RAP1GDS1: variants seen among roughly 807,000 people sequenced by gnomAD.
The protein encoded by RAP1GDS1 is RAP1, GTP-GDP dissociation stimulator 1.
A neutral mutation model predicts 71.1 loss-of-function variants in RAP1GDS1; 35 were observed. The observed-to-expected ratio is 0.49, with a 90% CI of 0.38 to 0.65. The LOEUF is 0.65. Among genes scored for constraint, RAP1GDS1 ranks in the 30% least tolerant of loss-of-function variants. The pLI, the probability that RAP1GDS1 is intolerant of heterozygous loss-of-function variation, is 0.00. For missense variants in RAP1GDS1, 663 were observed against 706.1 expected (o/e 0.94, Z 0.69); for synonymous variants, 229 against 243.1 (o/e 0.94, Z 0.54).
At chr4:98,287,383 G>A (rs1726199859) in intron 1 of RAP1GDS1, among the ~76,000 whole-genome samples, 1 of 152,140 alleles carries the variant, frequency 6.6e-6, no homozygotes, top group Admixed American at 6.6e-5. Flanking sequence ...ACATAGGACA[G>A]GTTGATTACA....
At chr4:98,330,629 CCGGGCAGAGACGCTCCTCACTTCCTAGA>C (rs1377969937) in intron 2 of RAP1GDS1, among the ~76,000 whole-genome samples, 6 of 150,800 alleles carry the variant, frequency 4.0e-5, no homozygotes, top group African/African-American at 1.5e-4. Context: ...CGATGGGCGG[CCGGGCAGAGACGCTCCTCACTTCCTAGA>C]CGGGATGACG....
chr4:98,406,489 AAAT>A (rs1746134317), intron 7 of RAP1GDS1, among the ~76,000 whole-genome samples: 1 of 152,062 alleles, frequency 6.6e-6, no homozygotes, highest in African/African-American at 2.4e-5. Context: ...CCTAGAAAAA[AAAT>A]AACCGTTATA....
At chr4:98,385,353 G>A (rs1011400715) in intron 5 of RAP1GDS1, among the ~76,000 whole-genome samples, 4 of 151,700 alleles carry the variant, frequency 2.6e-5, no homozygotes, top group Non-Finnish European at 5.9e-5. Context: ...ATGATATGAG[G>A]CACATAATCA....
intron 12 of RAP1GDS1, among the ~76,000 whole-genome samples, chr4:98,428,997 G>A (rs763137567): frequency 6.6e-5 from 10 of 152,176 alleles, no homozygotes; most frequent in Non-Finnish European, 1.5e-4. Flanking sequence ...GGTGGCTCAC[G>A]CCTGTAATCC....
intron 2 of RAP1GDS1, among the ~76,000 whole-genome samples, chr4:98,340,917 G>A (rs1172649994): frequency 1.3e-5 from 2 of 151,860 alleles, no homozygotes; most frequent in East Asian, 1.9e-4. Flanking sequence ...ACTACCTATC[G>A]GGTACTATGC....
At chr4:98,264,555 G>A (rs1402057827) in intron 1 of RAP1GDS1, among the ~76,000 whole-genome samples, 1 of 152,178 alleles carries the variant, frequency 6.6e-6, no homozygotes, top group Non-Finnish European at 1.5e-5. Context: ...CAACTGTGCA[G>A]TGTACTGTAC....
rs1751944421 is a variant in RAP1GDS1, at chr4:98,442,010, C to A, written c.1717C>A (p.Gln573Lys). The A allele has an allele frequency of 6.2e-7, 1 of 1,613,790 alleles. No individual in the cohort carries two copies. The highest frequency in any genetic ancestry group is 8.5e-7 in the Non-Finnish European group (1 of 1,179,962). ...TCCAGAATGTCTACACAAGGAAGTACAGGATTTGGCTTTTCTAGATGTCGT... is the reference window on the plus strand; with the variant it reads ...TCCAGAATGTCTACACAAGGAAGTAAAGGATTTGGCTTTTCTAGATGTCGT... Reference protein sequence around the residue: ...MGSECLHKEVQDLAFLDVVSK... With the variant: ...MGSECLHKEVKDLAFLDVVSK... Residue 573 changes from glutamine to lysine, a missense_variant, in exon 15 of 15, where the codon CAG becomes AAG. Transcript: ENST00000408927.
At chr4:98,267,503 C>T (rs1442432101) in intron 1 of RAP1GDS1, among the ~76,000 whole-genome samples, 1 of 152,086 alleles carries the variant, frequency 6.6e-6, no homozygotes, top group African/African-American at 2.4e-5. Flanking sequence ...CCATTTGTCC[C>T]CCTCTAGTAG....
Position 98,423,217 on chromosome 4 carries a change from C to T in RAP1GDS1, c.1440+1823C>T, listed in dbSNP as rs10001086. On this transcript the variant is annotated intron_variant, in intron 12 of 14. Transcript: ENST00000408927. ...GCCATAGAAGGAGTGCTATTTTAGG[C>T]GTTAACTAGGAATCTCAGGAGGAAA... Among the ~76,000 whole-genome samples, 8 of 152,042 alleles carry T rather than the reference C, an allele frequency of 5.3e-5. No individual in the cohort carries two copies. The East Asian group carries it at 9.7e-4, about 18-fold the overall frequency.
At chr4:98,408,459 C>T (rs141372745) in intron 7 of RAP1GDS1, among the ~76,000 whole-genome samples, 1 of 152,016 alleles carries the variant, frequency 6.6e-6, no homozygotes, top group African/African-American at 2.4e-5. Flanking sequence ...TAAAGTATGA[C>T]TGATACAAGA....
Position 98,436,936 on chromosome 4 carries a change from G to A in RAP1GDS1, c.1568-4G>A. The A allele has an allele frequency of 6.3e-7, 1 of 1,593,446 alleles. No homozygotes were observed. Among genetic ancestry groups the A allele is most frequent in the Admixed American group, 1.8e-5 (1 of 55,488 alleles). ...GCAGTAGATATACTTTGTTTTATTT[G>A]TAGGCACTGCTGAGAAAGATCTAGA... On this transcript the variant is annotated splice_polypyrimidine_tract_variant and splice_region_variant and intron_variant, in intron 13 of 14. Coordinates refer to ENST00000408927, the MANE Select transcript of RAP1GDS1 (RefSeq NM_001100427.2).
intron 7 of RAP1GDS1, among the ~76,000 whole-genome samples, chr4:98,405,874 CA>C (rs1222465406): frequency 6.6e-6 from 1 of 151,426 alleles, no homozygotes; most frequent in Non-Finnish European, 1.5e-5. Flanking sequence ...TTGAATATAT[CA>C]AAAAAATAAC....
At chr4:98,434,396 G>C (rs928416681) in intron 13 of RAP1GDS1, among the ~76,000 whole-genome samples, 1 of 152,054 alleles carries the variant, frequency 6.6e-6, no homozygotes, top group Non-Finnish European at 1.5e-5. Flanking sequence ...CATATGAAGA[G>C]TCTGCTACTC....
intron 2 of RAP1GDS1, among the ~76,000 whole-genome samples, chr4:98,325,639 G>T (rs985064899): frequency 2.1e-4 from 32 of 150,602 alleles, no homozygotes; most frequent in Non-Finnish European, 3.8e-4. Flanking sequence ...GGATGAAATT[G>T]GAAATCATCA....
intron 11 of RAP1GDS1, 132 bp from the exon 12 acceptor site, chr4:98,421,123 T>A: frequency 1.0e-6 from 1 of 991,752 alleles, no homozygotes; most frequent in Non-Finnish European, 1.4e-6. Context: ...AAGGAATATT[T>A]GCAGTTCTAG....
chr4:98,284,557 A>ACAAGAGACAAAT lies in RAP1GDS1; in HGVS notation c.5-8851_5-8850insCAAGAGACAAAT, dbSNP rs1553961109. ...TATATTTTTAGAAGATAATCACAAC[A>ACAAGAGACAAAT]ATGTCTCTTGCCCCACATATTTTTT... On this transcript the variant is annotated intron_variant, in intron 1 of 14. Coordinates refer to ENST00000408927, the MANE Select transcript of RAP1GDS1 (RefSeq NM_001100427.2). Among the ~76,000 whole-genome samples the ACAAGAGACAAAT allele has an allele frequency of 3.3e-5, 5 of 152,322 alleles. No homozygotes were observed. The East Asian group carries it at 9.6e-4, about 29-fold the overall frequency.
At chr4:98,292,664 T>C (rs1727144093) in intron 1 of RAP1GDS1, among the ~76,000 whole-genome samples, 1 of 152,144 alleles carries the variant, frequency 6.6e-6, no homozygotes, top group Admixed American at 6.6e-5. Flanking sequence ...GTGCAGTAGG[T>C]TTATAATTGT....
At chr4:98,362,923 C>T (rs1370037721) in intron 4 of RAP1GDS1, among the ~76,000 whole-genome samples, 1 of 152,116 alleles carries the variant, frequency 6.6e-6, no homozygotes, top group African/African-American at 2.4e-5. Flanking sequence ...GGGACACTGC[C>T]TGTGATGGGG....
intron 4 of RAP1GDS1, among the ~76,000 whole-genome samples, chr4:98,370,594 C>T (rs980763008): frequency 5.4e-5 from 8 of 149,284 alleles, no homozygotes; most frequent in Non-Finnish European, 1.0e-4. Flanking sequence ...AACAGAGTCT[C>T]GCTCTGTCAC....
Sources: allele counts gnomAD v4.1 joint callset (sites outside exome capture counted in the v4.1 genomes callset), GRCh38; gene constraint gnomAD v4.1.1; transcripts MANE v1.5; gene names NCBI Gene and HGNC (gene_info 2026-07-23, HGNC 2026-07-21).